LRRN2: variants seen among roughly 807,000 people sequenced by gnomAD.
LRRN2 encodes the protein leucine-rich repeat neuronal protein 2.
LRRN2 carries 10 observed loss-of-function variants against 35.7 expected under a neutral mutation model. The ratio of observed to expected loss-of-function variants is 0.28; its 90% CI spans 0.17 to 0.47. The LOEUF (loss-of-function observed/expected upper bound fraction) is 0.47, where lower values mean the gene tolerates loss of function less well. Among genes scored for constraint, LRRN2 ranks in the 20% least tolerant of loss-of-function variants. The probability of loss-of-function intolerance (pLI) is 0.99; values close to 1 mark genes in which losing one functional copy is unlikely to be tolerated. For synonymous variants in LRRN2, 391 were observed against 409.6 expected, an observed-to-expected ratio of 0.95 and a Z score of 0.55; for missense variants, 731 against 940.3, an observed-to-expected ratio of 0.78 and a Z score of 2.91.
At chr1:204,680,511 C>T (rs1571689339) in intron 1 of LRRN2, among the ~76,000 whole-genome samples, 1 of 152,244 alleles carries the variant, frequency 6.6e-6, no homozygotes, top group Non-Finnish European at 1.5e-5. Context: ...AAGGCGTCTC[C>T]CAGGTCCCTA....
In LRRN2 at chr1:204,652,268, C is replaced by G. The variant is rs201619568; in HGVS notation, c.-226-32050G>C. 7.8e-4 allele frequency among the ~76,000 whole-genome samples: 48 copies of G among 61,442 alleles called. 1 individual carries two copies. Among genetic ancestry groups the G allele is most frequent in the Middle Eastern group, 0.01 (1 of 100 alleles). The allele number at this position is 61,442 out of a possible 152,430, so 40.3% of individuals were successfully genotyped here. On this transcript the variant is annotated intron_variant, in intron 1 of 1. Transcript: ENST00000367177. ...GCCCTCTCCTCTTCACCGCCCCCCC[C>G]CCGCCCCCCCGCCGCCTTCCTCCTT... is the stretch of plus-strand genomic sequence containing the variant.
intron 1 of LRRN2, among the ~76,000 whole-genome samples, chr1:204,663,478 TTC>T (rs1668512146): frequency 1.3e-5 from 2 of 152,298 alleles, no homozygotes; most frequent in South Asian, 4.1e-4. Context: ...TCACAGGCTC[TTC>T]TGTCTGCTTG....
intron 1 of LRRN2, among the ~76,000 whole-genome samples, chr1:204,681,107 C>T (rs188380366): frequency 1.1e-3 from 175 of 152,234 alleles, no homozygotes; most frequent in Non-Finnish European, 2.2e-3. Flanking sequence ...CAGGTGTGTG[C>T]CACCACGCCC....
intron 1 of LRRN2, among the ~76,000 whole-genome samples, chr1:204,633,930 C>T (rs756119301): frequency 3.0e-4 from 46 of 152,232 alleles, no homozygotes; most frequent in Admixed American, 4.6e-4. Flanking sequence ...GCTTCCTCTC[C>T]TCCACACCCA....
At position 204,644,209 on chromosome 1, in the gene LRRN2, G is replaced by A. The variant is rs377248550; in HGVS notation, c.-226-23991C>T. On this transcript the variant is annotated intron_variant, in intron 1 of 1. Transcript: ENST00000367177. ...GAAGCCACATTTCCCCTACACTGTT[G>A]ACCACATTCTACCAAATCCTCACAC... is the stretch of plus-strand genomic sequence containing the variant. Among the ~76,000 whole-genome samples the A allele has an allele frequency of 4.1e-4, 63 of 152,182 alleles. No individual in the cohort carries two copies. The Middle Eastern group carries it at 0.01, about 25-fold the overall frequency.
At chr1:204,666,174 C>T (rs1366161334) in intron 1 of LRRN2, among the ~76,000 whole-genome samples, 1 of 152,248 alleles carries the variant, frequency 6.6e-6, no homozygotes, top group African/African-American at 2.4e-5. Flanking sequence ...GTCATATTTA[C>T]TGCCCCAATT....
rs189715063 is a variant in LRRN2 at position 204,682,785 on chromosome 1, C to T, written c.-227+2535G>A. ...CATCCTTTCAGGTCAGAAAAGTATC[C>T]TAAGGACAGGATGACTTAAGCGGTA... is the stretch of plus-strand genomic sequence containing the variant. On this transcript the variant is annotated intron_variant, in intron 1 of 1. Transcript: ENST00000367177. 6 of 152,284 alleles carry T rather than the reference C, an allele frequency of 3.9e-5. No individual in the cohort carries two copies. The East Asian group carries it at 9.7e-4, about 25-fold the overall frequency. The allele number at this position is 152,284 out of a possible 1,614,324, so 9.4% of individuals were successfully genotyped here.
intron 1 of LRRN2, among the ~76,000 whole-genome samples, chr1:204,651,545 G>C (rs753282485): frequency 6.6e-6 from 1 of 152,162 alleles, no homozygotes; most frequent in Non-Finnish European, 1.5e-5. Flanking sequence ...TGAGGAAGCA[G>C]AGTGGGGTGA....
chr1:204,669,312 C>T (rs985709597), intron 1 of LRRN2, among the ~76,000 whole-genome samples: 2 of 152,176 alleles, frequency 1.3e-5, no homozygotes, highest in African/African-American at 4.8e-5. Flanking sequence ...GAATAGCTTT[C>T]CTTTCGGACT....
At chr1:204,632,330 A>G (rs1258518276) in intron 1 of LRRN2, among the ~76,000 whole-genome samples, 1 of 152,106 alleles carries the variant, frequency 6.6e-6, no homozygotes, top group Admixed American at 6.6e-5. Context: ...GCACCTTGCA[A>G]TTAAAATTCT....
chr1:204,618,112 G>A lies in LRRN2; in HGVS notation c.1881C>T (p.Asp627=), dbSNP rs3747632. 0.43 allele frequency: 695,354 copies of A among 1,613,602 alleles called. 157,046 individuals are homozygous for A. The highest frequency in any genetic ancestry group is 0.5 in the Admixed American group (29,710 of 59,920). The stretch of plus-strand genomic sequence containing the variant: ...CCAGGATGGCAATGAGCCCAGGACG[G>A]TCCCCTAAGGCTCTGTGGCAAGAAG... ...EATSCHRALG[D]RPGLIAILAL... Residue 627 remains aspartate (D), a synonymous_variant, in exon 2 of 2, where the codon GAC becomes GAT. Transcript: ENST00000367177.
Position 204,619,772 on chromosome 1 carries a change from AG to A in LRRN2, c.220del (p.Leu74CysfsTer47). 1 of 1,614,238 alleles carries A rather than the reference AG, an allele frequency of 6.2e-7. No homozygotes were observed. The highest frequency in any genetic ancestry group is 8.5e-7 in the Non-Finnish European group (1 of 1,180,036). ...GACAATGCTGTTGCTCTGCAGGAGC[AG>A]GGTCTGTGTGCCTGCGGGGAGTGCC... is the stretch of plus-strand genomic sequence containing the variant. Reference protein sequence around the residue: ...PPALPAGTQTLLLQSNSIVRV... With the variant: ...PPALPAGTQTXLLQSNSIVRV... On this transcript the variant is annotated frameshift_variant, in exon 2 of 2. Transcript: ENST00000367177. LOFTEE classifies it high-confidence loss of function.
intron 1 of LRRN2, among the ~76,000 whole-genome samples, chr1:204,651,855 C>T (rs1486155295): frequency 6.6e-6 from 1 of 152,148 alleles, no homozygotes; most frequent in Non-Finnish European, 1.5e-5. Context: ...TCCAGAACCC[C>T]ATCCTCCTGC....
chr1:204,663,351 G>C (rs887852560), intron 1 of LRRN2, among the ~76,000 whole-genome samples: 1 of 152,182 alleles, frequency 6.6e-6, no homozygotes, highest in Non-Finnish European at 1.5e-5. Flanking sequence ...TGACTTGGCC[G>C]GAAAGGAGTT....
intron 1 of LRRN2, among the ~76,000 whole-genome samples, chr1:204,652,070 C>T (rs575674476): frequency 2.6e-5 from 4 of 152,360 alleles, no homozygotes; most frequent in East Asian, 3.9e-4. Context: ...TTTTTGAAGC[C>T]GTCTTTAATT....
chr1:204,670,338 C>T (rs936674343), intron 1 of LRRN2, among the ~76,000 whole-genome samples: 2 of 152,134 alleles, frequency 1.3e-5, no homozygotes, highest in African/African-American at 4.8e-5. Flanking sequence ...ACAGGCAGCA[C>T]TGGAGGAGGA....
At position 204,619,011 on chromosome 1, in the gene LRRN2, G is replaced by A; in HGVS notation, c.982C>T (p.Pro328Ser). The A allele has an allele frequency of 1.2e-6, 2 of 1,610,972 alleles. No individual in the cohort carries two copies. The highest frequency in any genetic ancestry group is 2.2e-5 in the South Asian group (2 of 90,796). ...TGGGGCAGGTGGTGGAAGGCGCGGG[G>A]GTGGATGAAGGACAGCCGTGGGTTA... ...TNNPRLSFIH[P>S]RAFHHLPQME... is the part of the protein sequence containing the mutation. The change falls in exon 2 of 2, where the codon CCC (proline) becomes TCC (serine). Residue 328 changes from proline (P) to serine (S), a missense_variant. Physicochemically the swap from Pro to Ser is moderately conservative, Grantham distance 74. Transcript: ENST00000367177.
intron 1 of LRRN2, among the ~76,000 whole-genome samples, chr1:204,625,523 C>T (rs1005414918): frequency 5.3e-5 from 8 of 152,166 alleles, no homozygotes; most frequent in African/African-American, 1.9e-4. Flanking sequence ...TCCCAACATG[C>T]ATAGGTACAA....
rs147694673 is a variant in LRRN2 at position 204,669,596 on chromosome 1, G to A, written c.-227+15724C>T. On this transcript the variant is annotated intron_variant, in intron 1 of 1. Coordinates refer to ENST00000367177, the MANE Select transcript of LRRN2 (RefSeq NM_201630.2). Reference sequence around the variant, plus strand: ...GGCCTGGTAAAATTCTGAAGGTACAGGGATGCTTTTCTAAGGAAGGGCTAC... The same window carrying A: ...GGCCTGGTAAAATTCTGAAGGTACAAGGATGCTTTTCTAAGGAAGGGCTAC... 1.4e-4 allele frequency among the ~76,000 whole-genome samples: 22 copies of A among 152,342 alleles called. 1 individual carries two copies. The East Asian group carries it at 3.3e-3, about 23-fold the overall frequency.
Sources: gnomAD v4.1 joint callset for allele counts (sites outside exome capture counted in the v4.1 genomes callset) on GRCh38, gnomAD v4.1.1 for gene constraint, MANE v1.5 for transcripts, NCBI Gene and HGNC (gene_info 2026-07-23, HGNC 2026-07-21) for gene names.